Variants in BBIP1 observed in about 807,000 individuals in gnomAD.
BBIP1 encodes BBSome interacting protein 1.
A neutral mutation model predicts 8.9 loss-of-function variants in BBIP1; 6 were observed. The ratio of observed to expected loss-of-function variants is 0.67; its 90% CI spans 0.37 to 1.33. The LOEUF (loss-of-function observed/expected upper bound fraction) is 1.33, where lower values mean the gene tolerates loss of function less well. BBIP1 is among the 40% of genes most tolerant of loss of function. BBIP1 has a pLI of 0.02. For synonymous variants in BBIP1, 32 were observed against 33.4 expected, an observed-to-expected ratio of 0.96 and a Z score of 0.14; for missense variants, 111 against 109.2, an observed-to-expected ratio of 1.02 and a Z score of -0.07.
chr10:110,911,192 T>C (rs1487854154), intron 2 of BBIP1: 1 of 152,174 alleles, frequency 6.6e-6, no homozygotes, highest in Admixed American at 6.5e-5. Flanking sequence ...TGGCATAAAA[T>C]TAGATTTTCA....
rs1465247978 is a variant in BBIP1, at chr10:110,899,648, G to A, written c.*712C>T. 6.6e-6 allele frequency: 1 copy of A among 152,074 alleles called. No homozygotes were observed. Among genetic ancestry groups the A allele is most frequent in the Non-Finnish European group, 1.5e-5 (1 of 68,024 alleles). 9.4% of individuals were successfully genotyped at this position (152,074 alleles called of 1,614,324 possible). A position where few individuals can be genotyped will look rare whatever the true frequency, so the allele number is the denominator to read the frequency against. On this transcript the variant is annotated 3_prime_UTR_variant, in exon 4 of 4. Transcript: ENST00000448814. The stretch of plus-strand genomic sequence containing the variant: ...CCCTGTCTCTATTAAAAATACAAAA[G>A]TAGCCAGGCATGGTGGCGCATGCGT...
At chr10:110,906,056 G>T (rs1315744076) in intron 2 of BBIP1, among the ~76,000 whole-genome samples, 1 of 148,954 alleles carries the variant, frequency 6.7e-6, no homozygotes, top group African/African-American at 2.5e-5. Flanking sequence ...AGGCTGGAGA[G>T]CAGTGGCGCG....
chr10:110,916,186 CAACT>C (rs1359486971), intron 2 of BBIP1, among the ~76,000 whole-genome samples: 2 of 152,194 alleles, frequency 1.3e-5, no homozygotes, highest in South Asian at 2.1e-4. Flanking sequence ...ACAAAGGAAG[CAACT>C]AACAGAATGC....
chr10:110,917,325 G>T (rs1266913955), intron 2 of BBIP1, among the ~76,000 whole-genome samples: 1 of 149,276 alleles, frequency 6.7e-6, no homozygotes, highest in Non-Finnish European at 1.5e-5. Flanking sequence ...TAATGATATT[G>T]TGTTTTGCTG....
rs1245827968 is a variant in BBIP1, at chr10:110,900,443, G to A, written c.196C>T (p.Leu66=). 4 of 1,535,636 alleles carry A rather than the reference G, an allele frequency of 2.6e-6. No individual in the cohort carries two copies. Among genetic ancestry groups the A allele is most frequent in the African/African-American group, 1.4e-5 (1 of 72,996 alleles). The change falls in exon 4 of 4, where the codon CTA becomes TTA. Residue 66 remains leucine, a synonymous_variant. Coordinates refer to ENST00000448814, the MANE Select transcript of BBIP1 (RefSeq NM_001195305.3). ...TGTGCTGCTTGATGCATTTTCTCTA[G>A]TTTTTCCAGAGTCAGAGATTTTAAG... is the stretch of plus-strand genomic sequence containing the variant. ...LPLKSLTLEK[L]EKMHQAAQNT... is the part of the protein sequence containing the mutation.
rs1846474754 is a variant in BBIP1, at chr10:110,918,180, A to G, written c.-23T>C. On this transcript the variant is annotated 5_prime_UTR_variant, in exon 2 of 4. Coordinates refer to ENST00000448814, the MANE Select transcript of BBIP1 (RefSeq NM_001195305.3). ...CATCCAACCCGGTATTACCAAGATG[A>G]CTTAGAGTTCTTGACTCAAGCATAC... is the stretch of plus-strand genomic sequence containing the variant. 6.5e-7 allele frequency: 1 copy of G among 1,533,316 alleles called. No homozygotes were observed. The highest frequency in any genetic ancestry group is 1.4e-5 in the African/African-American group (1 of 72,972). The allele number at this position is 1,533,316 out of a possible 1,614,324, so 95.0% of individuals were successfully genotyped here.
In BBIP1 at chr10:110,901,598, A is replaced by T. The variant is rs1382837820; in HGVS notation, c.52T>A (p.Ser18Thr). The T allele has an allele frequency of 6.5e-7, 1 of 1,535,228 alleles. No individual in the cohort carries two copies. Among genetic ancestry groups the T allele is most frequent in the Non-Finnish European group, 8.7e-7 (1 of 1,146,156 alleles). The change falls in exon 3 of 4, where the codon TCC (serine) becomes ACC (threonine). Residue 18 changes from serine to threonine, a missense_variant. Coordinates refer to ENST00000448814, the MANE Select transcript of BBIP1 (RefSeq NM_001195305.3). ...RPELSGKNTI[S>T]NNSDMAEVKS... ...ACTTCTGCCATATCTGAGTTGTTGG[A>T]TATAGTGTTTTTTCCTTCAATGAGA...
chr10:110,900,923 C>G (rs2134017070), intron 3 of BBIP1: 1 of 213,544 alleles, frequency 4.7e-6, no homozygotes, highest in Non-Finnish European at 9.5e-6. Context: ...CTTACTGTTG[C>G]TTCAGGTTTC....
rs894701212 is a variant in BBIP1 at position 110,899,101 on chromosome 10, A to T, written c.*1259T>A. On this transcript the variant is annotated 3_prime_UTR_variant, in exon 4 of 4. Coordinates refer to ENST00000448814, the MANE Select transcript of BBIP1 (RefSeq NM_001195305.3). ...CCAAAGCTTGACATTTACCTAATGT[A>T]TGAGAAAATATTACCAATTAACAAT... 27 of 152,230 alleles carry T rather than the reference A, an allele frequency of 1.8e-4. No homozygotes were observed. The highest frequency in any genetic ancestry group is 1.4e-3 in the Admixed American group (22 of 15,288). The allele number at this position is 152,230 out of a possible 1,614,324, so 9.4% of individuals were successfully genotyped here.
intron 2 of BBIP1, among the ~76,000 whole-genome samples, chr10:110,917,151 C>G (rs1033515904): frequency 6.7e-5 from 10 of 148,520 alleles, no homozygotes; most frequent in African/African-American, 2.5e-4. Flanking sequence ...GATGGGGGAA[C>G]TCTACTACAT....
chr10:110,913,401 C>G (rs1846323340), intron 2 of BBIP1, among the ~76,000 whole-genome samples: 1 of 152,170 alleles, frequency 6.6e-6, no homozygotes, highest in African/African-American at 2.4e-5. Context: ...ATCTTTGAAT[C>G]TTCATAAATA....
At chr10:110,918,825 G>A (rs1405441198) in intron 1 of BBIP1, 1 of 152,440 alleles carries the variant, frequency 6.6e-6, no homozygotes, top group African/African-American at 2.4e-5. Flanking sequence ...CGGCCCACTG[G>A]TTGGGGTCCA....
intron 2 of BBIP1, chr10:110,907,652 T>C (rs1590752743): frequency 1.6e-6 from 1 of 640,744 alleles, no homozygotes; most frequent in Non-Finnish European, 2.8e-6. Context: ...TATAAAAGTT[T>C]AGGATCTGAA....
intron 2 of BBIP1, chr10:110,908,014 A>G (rs1846187325): frequency 6.9e-6 from 3 of 433,002 alleles, no homozygotes. Flanking sequence ...CCTAGAACAC[A>G]CTTTGTATTC....
At chr10:110,916,353 T>C (rs529655888) in intron 2 of BBIP1, among the ~76,000 whole-genome samples, 64 of 152,330 alleles carry the variant, frequency 4.2e-4, no homozygotes, top group South Asian at 3.3e-3. Context: ...AGGAGGAGTA[T>C]ACGACGTTGG....
At chr10:110,907,545 GA>G in intron 2 of BBIP1, 3 of 461,770 alleles carry the variant, frequency 6.5e-6, no homozygotes, top group East Asian at 3.5e-5. Context: ...AGAAAAGAAA[GA>G]AAAATGGTGA....
At chr10:110,905,231 G>C (rs560245707) in intron 2 of BBIP1, among the ~76,000 whole-genome samples, 1 of 152,246 alleles carries the variant, frequency 6.6e-6, no homozygotes, top group Admixed American at 6.5e-5. Context: ...ATGGATTATT[G>C]CCTTCAAATC....
chr10:110,906,362 ATAAATT>A (rs1437218296), intron 2 of BBIP1: 2 of 152,192 alleles, frequency 1.3e-5, no homozygotes, highest in African/African-American at 2.4e-5. Flanking sequence ...AAAAATGTTT[ATAAATT>A]TAAACTTTAA....
intron 2 of BBIP1, among the ~76,000 whole-genome samples, chr10:110,914,946 C>T (rs752653980): frequency 6.6e-6 from 1 of 152,032 alleles, no homozygotes; most frequent in Non-Finnish European, 1.5e-5. Flanking sequence ...AGCTATTAAC[C>T]TTTTAAAAAA....
Sources: allele counts gnomAD v4.1 joint callset (sites outside exome capture counted in the v4.1 genomes callset), GRCh38; gene constraint gnomAD v4.1.1; transcripts MANE v1.5; gene names NCBI Gene and HGNC (gene_info 2026-07-23, HGNC 2026-07-21).